The following PPAT variants were observed in gnomAD, a reference collection of about 807,000 sequenced individuals.
PPAT encodes phosphoribosyl pyrophosphate amidotransferase.
A neutral mutation model predicts 60.2 loss-of-function variants in PPAT; 20 were observed. The observed-to-expected ratio is 0.33, with a 90% CI of 0.23 to 0.48. The LOEUF is 0.48. PPAT is among the 20% of genes least tolerant of loss of function. The probability of loss-of-function intolerance (pLI) is 0.99; values close to 1 mark genes in which losing one functional copy is unlikely to be tolerated. For synonymous variants in PPAT, 194 were observed against 215.1 expected (o/e 0.90, Z 0.86); for missense variants, 349 against 629.6 (o/e 0.55, Z 4.77).
At chr4:56,399,616 A>G (rs75964553) in intron 8 of PPAT, 5,191 of 433,034 alleles carry the variant, frequency 0.012, 256 homozygotes, top group African/African-American at 0.093. Context: ...TTTGTCTTAA[A>G]CATTATTCCT....
rs1715960983 is a variant in PPAT at position 56,396,071 on chromosome 4, G to A, written c.1358-523C>T. On this transcript the variant is annotated intron_variant, in intron 10 of 10. Coordinates refer to ENST00000264220, the MANE Select transcript of PPAT (RefSeq NM_002703.5). This position sits in a 1 kb window ranked among gnomAD's most constrained non-coding sequence, Gnocchi z 4.6. ...TATTTAACCAGTGAGGCATATGCAT[G>A]ACAGGTTAAAAGAAACACCAGCCAC... is the stretch of plus-strand genomic sequence containing the variant. 6.6e-6 allele frequency among the ~76,000 whole-genome samples: 1 copy of A among 152,172 alleles called. No homozygotes were observed. Among genetic ancestry groups the A allele is most frequent in the Admixed American group, 6.5e-5 (1 of 15,272 alleles).
At position 56,396,557 on chromosome 4, in the gene PPAT, G is replaced by C; in HGVS notation, c.1357+62C>G. 2 of 1,484,040 alleles carry C rather than the reference G, an allele frequency of 1.3e-6. No homozygotes were observed. The highest frequency in any genetic ancestry group is 1.9e-6 in the Non-Finnish European group (2 of 1,077,460). 91.9% of individuals were successfully genotyped at this position (1,484,040 alleles called of 1,614,324 possible). A position where few individuals can be genotyped will look rare whatever the true frequency, so the allele number is the denominator to read the frequency against. On this transcript the variant is annotated intron_variant, in intron 10 of 10. Coordinates refer to ENST00000264220, the MANE Select transcript of PPAT (RefSeq NM_002703.5). The surrounding 1 kb of genome is among the most constrained non-coding windows in gnomAD (Gnocchi z 4.6). ...TACTCCTTTTTACTAAAGGTGTAAA[G>C]ACTGTCAAGCTTTGGATTTTCTCTG...
At chr4:56,426,261 C>T (rs1029996983) in intron 1 of PPAT, among the ~76,000 whole-genome samples, 22 of 151,978 alleles carry the variant, frequency 1.4e-4, no homozygotes, top group African/African-American at 4.8e-4. Flanking sequence ...ATTAGCTGGG[C>T]GTGGTGGCCG....
At chr4:56,398,487 GT>G (rs1716038061) in intron 9 of PPAT, among the ~76,000 whole-genome samples, 1 of 150,472 alleles carries the variant, frequency 6.6e-6, no homozygotes, top group Non-Finnish European at 1.5e-5. Context: ...TCTATTGTGT[GT>G]TTTTGACTTT....
chr4:56,412,389 G>A (rs1206426611), intron 1 of PPAT, among the ~76,000 whole-genome samples: 2 of 150,090 alleles, frequency 1.3e-5, no homozygotes, highest in Non-Finnish European at 3.0e-5. Flanking sequence ...GCTCATTGCT[G>A]CCTCAACTTC....
intron 1 of PPAT, among the ~76,000 whole-genome samples, chr4:56,412,810 C>G (rs1005367629): frequency 2.6e-5 from 4 of 152,150 alleles, no homozygotes; most frequent in African/African-American, 7.2e-5. Context: ...ACCTCTTTAC[C>G]GGGCTCCCTA....
chr4:56,433,701 T>TG lies in PPAT; in HGVS notation c.128+1648_128+1649insC, dbSNP rs1323443500. Among the ~76,000 whole-genome samples, 4 of 142,776 alleles carry TG rather than the reference T, an allele frequency of 2.8e-5. 1 individual carries two copies. The highest frequency in any genetic ancestry group is 6.1e-5 in the Non-Finnish European group (4 of 65,276). 93.7% of individuals were successfully genotyped at this position (142,776 alleles called of 152,430 possible). A position where few individuals can be genotyped will look rare whatever the true frequency, so the allele number is the denominator to read the frequency against. Reference sequence around the variant, plus strand: ...ACAGAGTATCCAAAATAACAACTGTTTTTTTTTTTTTGAGACGGAGTCTCG... The same window carrying TG: ...ACAGAGTATCCAAAATAACAACTGTTGTTTTTTTTTTTGAGACGGAGTCTCG... On this transcript the variant is annotated intron_variant, in intron 1 of 10. Coordinates refer to ENST00000264220, the MANE Select transcript of PPAT (RefSeq NM_002703.5).
At chr4:56,423,582 C>T (rs1578133267) in intron 1 of PPAT, 1 of 151,876 alleles carries the variant, frequency 6.6e-6, no homozygotes, top group South Asian at 2.1e-4. Context: ...CTTGTTAGTC[C>T]TCTGGAAAAC....
At chr4:56,407,317 T>C (rs1227715847) in intron 2 of PPAT, among the ~76,000 whole-genome samples, 1 of 152,084 alleles carries the variant, frequency 6.6e-6, no homozygotes, top group Non-Finnish European at 1.5e-5. Context: ...CATTTCTTTT[T>C]TCTTTCTTTT....
intron 1 of PPAT, among the ~76,000 whole-genome samples, chr4:56,431,969 C>T (rs1717606609): frequency 6.6e-6 from 1 of 152,160 alleles, no homozygotes; most frequent in Non-Finnish European, 1.5e-5. Context: ...GAAAGCAGAG[C>T]TACGGAATAA....
chr4:56,402,848 A>AAAAAAAAAAAAAAAAAAAAAAAAAAAAAG (rs1560638308), intron 5 of PPAT, among the ~76,000 whole-genome samples, 192 bp downstream of exon 5: 1 of 76,102 alleles, frequency 1.3e-5, no homozygotes, highest in African/African-American at 5.7e-5. Context: ...AAAAAAAAAA[A>AAAAAAAAAAAAAAAAAAAAAAAAAAAAAG]GGGGGGGGAC....
chr4:56,398,125 T>C (rs1264654029), intron 9 of PPAT, among the ~76,000 whole-genome samples: 3 of 152,108 alleles, frequency 2.0e-5, no homozygotes, highest in Non-Finnish European at 4.4e-5. Flanking sequence ...TCCTAACACT[T>C]TGAGAGGCCG....
intron 1 of PPAT, among the ~76,000 whole-genome samples, chr4:56,435,075 C>G (rs1717823941): frequency 6.6e-6 from 1 of 152,182 alleles, no homozygotes; most frequent in Non-Finnish European, 1.5e-5. Context: ...GCTGGCCAGC[C>G]TCTGGATGGG....
intron 1 of PPAT, among the ~76,000 whole-genome samples, chr4:56,413,721 C>A (rs911942286): frequency 3.9e-5 from 6 of 151,934 alleles, no homozygotes; most frequent in Non-Finnish European, 5.9e-5. Flanking sequence ...CATGGTGAAA[C>A]CCCGTCTCTA....
At chr4:56,428,285 T>G (rs138325375) in intron 1 of PPAT, among the ~76,000 whole-genome samples, 158 of 152,284 alleles carry the variant, frequency 1.0e-3, no homozygotes, top group Non-Finnish European at 1.8e-3. Flanking sequence ...TTACAGATTA[T>G]AACAGTGAGT....
At chr4:56,432,100 G>A (rs1717615435) in intron 1 of PPAT, among the ~76,000 whole-genome samples, 1 of 152,154 alleles carries the variant, frequency 6.6e-6, no homozygotes, top group Admixed American at 6.5e-5. Context: ...TATATGAAAT[G>A]GCTAATATAC....
intron 9 of PPAT, among the ~76,000 whole-genome samples, chr4:56,397,689 C>T (rs113854233): frequency 1.5e-4 from 23 of 151,948 alleles, no homozygotes; most frequent in African/African-American, 4.8e-4. Flanking sequence ...AACATGTACA[C>T]AATAAATATA....
Position 56,394,696 on chromosome 4 carries a change from A to G in PPAT, c.*656T>C, listed in dbSNP as rs143039832. The G allele has an allele frequency of 6.6e-6, 1 of 152,334 alleles. No homozygotes were observed. The highest frequency in any genetic ancestry group is 2.4e-5 in the African/African-American group (1 of 41,580). The allele number at this position is 152,334 out of a possible 1,614,324, so 9.4% of individuals were successfully genotyped here. On this transcript the variant is annotated 3_prime_UTR_variant, in exon 11 of 11. Transcript: ENST00000264220. ...AATTAATTGTAAACTAATTTCAAAA[A>G]GTTAACAATCATTAGCTTTCTGAAA...
At chr4:56,401,257 G>A in intron 7 of PPAT, 73 bp downstream of exon 7, 1 of 1,383,654 alleles carries the variant, frequency 7.2e-7, no homozygotes. Context: ...AGCCTTTGAG[G>A]CAAGAATTGC....
Sources: gnomAD v4.1 joint callset for allele counts (sites outside exome capture counted in the v4.1 genomes callset) on GRCh38, gnomAD v4.1.1 for gene constraint, Gnocchi (gnomAD v3.1) non-coding constraint, MANE v1.5 for transcripts, NCBI Gene and HGNC (gene_info 2026-07-23, HGNC 2026-07-21) for gene names.